Variants in TBX1 observed in about 807,000 individuals in gnomAD.
TBX1 encodes T-box transcription factor TBX1.
A neutral mutation model predicts 40.8 loss-of-function variants in TBX1; 16 were observed. The observed-to-expected ratio is 0.39, with a 90% CI of 0.27 to 0.60. The LOEUF is 0.60. Ranked by LOEUF, TBX1 falls within the 20% of genes least tolerant of loss-of-function variation. TBX1 has a pLI of 0.51. For synonymous variants in TBX1, 403 were observed against 336.8 expected (o/e 1.20, Z -2.15); for missense variants, 755 against 728.5 (o/e 1.04, Z -0.42).
In TBX1 at chr22:19,766,942, G is replaced by C; in HGVS notation, c.*75G>C. The C allele has an allele frequency of 3.2e-6, 5 of 1,544,842 alleles. No homozygotes were observed. The highest frequency in any genetic ancestry group is 1.2e-5 in the South Asian group (1 of 84,546). On this transcript the variant is annotated 3_prime_UTR_variant, in exon 7 of 7. Transcript: ENST00000649276. ...GCCGGGCCCGGCCACCCTGCCCCAAGGGCAAGCAAGGAATACGTTCCCCCA... is the reference window on the plus strand; with the variant it reads ...GCCGGGCCCGGCCACCCTGCCCCAACGGCAAGCAAGGAATACGTTCCCCCA...
chr22:19,761,748 C>T (rs931414859), intron 1 of TBX1, among the ~76,000 whole-genome samples: 7 of 152,248 alleles, frequency 4.6e-5, no homozygotes, highest in African/African-American at 7.2e-5. Flanking sequence ...GAGCGGCAGC[C>T]GGGCAACTCT....
At chr22:19,765,869 C>A in intron 5 of TBX1, 33 bp from the exon 6 acceptor site, 1 of 1,563,124 alleles carries the variant, frequency 6.4e-7, no homozygotes. Context: ...GCGCCTGGCG[C>A]AGGCGCCGCC....
chr22:19,763,340 C>T lies in TBX1; in HGVS notation c.537C>T (p.Tyr179=), dbSNP rs781496582. The T allele has an allele frequency of 1.9e-6, 3 of 1,614,106 alleles. No homozygotes were observed. Among genetic ancestry groups the T allele is most frequent in the East Asian group, 2.2e-5 (1 of 44,878 alleles). The change falls in exon 2 of 7, where the codon TAC becomes TAT. Residue 179 remains tyrosine, a splice_region_variant and synonymous_variant. Coordinates refer to ENST00000649276, the MANE Select transcript of TBX1 (RefSeq NM_001379200.1). ...TCGTGCCGGTGGACGATAAGCGCTA[C>T]CGGTGAGCGAGTGGTTGTAAGCGTG... is the stretch of plus-strand genomic sequence containing the variant. ...MDFVPVDDKR[Y]RYAFHSSSWL... is the part of the protein sequence containing the mutation.
rs1195095845 is a variant in TBX1 at position 19,779,187 on chromosome 22, C to T, written c.1010-33C>T. On this transcript the variant is annotated intron_variant, in intron 8 of 8. Coordinates refer to the TBX1 transcript ENST00000329705. Reference sequence around the variant, plus strand: ...GAGAGGCACCTCTGACATGGTACTTCATCCACTCTCATTGGATGGGGTTGT... The same window carrying T: ...GAGAGGCACCTCTGACATGGTACTTTATCCACTCTCATTGGATGGGGTTGT... 4.3e-6 allele frequency: 7 copies of T among 1,612,934 alleles called. No individual in the cohort carries two copies. In the African/African-American group the frequency reaches 5.3e-5, roughly 12 times the overall value.
chr22:19,766,096 G>A (rs1242549416), intron 6 of TBX1, 94 bp downstream of exon 6: 1 of 1,103,744 alleles, frequency 9.1e-7, no homozygotes, highest in Non-Finnish European at 1.2e-6. Context: ...CCCCCGGGGC[G>A]CTCCAGGCTT....
chr22:19,766,095 C>A, intron 6 of TBX1, 93 bp downstream of exon 6: 2 of 1,129,124 alleles, frequency 1.8e-6, no homozygotes, highest in Non-Finnish European at 2.3e-6. Context: ...GCCCCCGGGG[C>A]GCTCCAGGCT....
chr22:19,769,637 C>T (rs1206606639), downstream of TBX1, among the ~76,000 whole-genome samples: 3 of 152,252 alleles, frequency 2.0e-5, no homozygotes, highest in African/African-American at 7.2e-5. Flanking sequence ...CACTACCGTT[C>T]CTGTGGAGGT....
At chr22:19,768,421 A>G (rs911526270), downstream of TBX1, among the ~76,000 whole-genome samples, 1 of 152,154 alleles carries the variant, frequency 6.6e-6, no homozygotes, top group Non-Finnish European at 1.5e-5. Context: ...AGGCCAGTCT[A>G]GGGTGGGAGG....
At chr22:19,779,565 C>T, downstream of TBX1, 2 of 1,462,428 alleles carry the variant, frequency 1.4e-6, no homozygotes, top group African/African-American at 1.4e-5. Flanking sequence ...CATAGAGTCA[C>T]ACTCCCAGTT....
chr22:19,759,936 G>A (rs1454904280), upstream of TBX1, among the ~76,000 whole-genome samples: 1 of 152,244 alleles, frequency 6.6e-6, no homozygotes, highest in Non-Finnish European at 1.5e-5. Context: ...GGGAAGGAGA[G>A]CAGAGGTGGC....
rs1936725426 is a variant in TBX1, at chr22:19,763,259, C to T, written c.456C>T (p.Phe152=). ...TKAGRRMFPT[F]QVKLFGMDPM... is the part of the protein sequence containing the mutation. ...CCCCCAGGCGGATGTTTCCCACCTT[C>T]CAAGTGAAGCTCTTCGGCATGGATC... Residue 152 remains phenylalanine (F), a synonymous_variant, in exon 2 of 7, where the codon TTC becomes TTT. Coordinates refer to ENST00000649276, the MANE Select transcript of TBX1 (RefSeq NM_001379200.1). The T allele has an allele frequency of 6.2e-7, 1 of 1,614,064 alleles. No individual in the cohort carries two copies. The highest frequency in any genetic ancestry group is 1.7e-5 in the Admixed American group (1 of 60,008).
At chr22:19,779,406 G>A (rs747435029) in exon 9 of TBX1, 16 of 1,614,098 alleles carry the variant, frequency 9.9e-6, no homozygotes, top group South Asian at 3.3e-5. Context: ...CGTCTTTGTT[G>A]AATGCTGAGG....
intron 2 of TBX1, 21 bp from the exon 3 acceptor site, chr22:19,764,134 C>T: frequency 6.2e-7 from 1 of 1,612,422 alleles, no homozygotes; most frequent in Non-Finnish European, 8.5e-7. Flanking sequence ...ACATGCACGA[C>T]CCCACCCCGT....
chr22:19,766,801 G>A lies in TBX1; in HGVS notation c.1449G>A (p.Ala483=). ...AAAAAAAAAA[A]AANMYSSAGA... ...CCGCCGCCGCTGCCGCAGCTGCCGC[G>A]GCCGCCAACATGTACTCGTCGGCCG... Residue 483 remains alanine, a synonymous_variant, in exon 7 of 7, where the codon GCG becomes GCA. Transcript: ENST00000649276. 1 of 1,519,436 alleles carries A rather than the reference G, an allele frequency of 6.6e-7. No homozygotes were observed. Among genetic ancestry groups the A allele is most frequent in the Non-Finnish European group, 8.7e-7 (1 of 1,148,222 alleles). The allele number at this position is 1,519,436 out of a possible 1,614,324, so 94.1% of individuals were successfully genotyped here.
intron 1 of TBX1, 127 bp from the exon 2 acceptor site, chr22:19,763,114 G>T: frequency 1.3e-6 from 1 of 753,844 alleles, no homozygotes; most frequent in Non-Finnish European, 2.3e-6. Flanking sequence ...GAGCCCAAGG[G>T]CTGGGACGAC....
intron 6 of TBX1, 82 bp from the exon 7 acceptor site, chr22:19,766,307 T>C: frequency 8.2e-7 from 1 of 1,217,038 alleles, no homozygotes; most frequent in South Asian, 3.3e-5. Context: ...AAGAGCCTTC[T>C]CTCCGCCAGG....
upstream of TBX1, among the ~76,000 whole-genome samples, chr22:19,760,632 G>A (rs1391878949): frequency 2.0e-5 from 2 of 102,108 alleles, no homozygotes; most frequent in Non-Finnish European, 2.0e-5. Context: ...GGGCGGGGGA[G>A]GGGCGAGGGC....
Position 19,760,943 on chromosome 22 carries a change from G to C in TBX1, c.100G>C (p.Gly34Arg). 1 of 1,009,138 alleles carries C rather than the reference G, an allele frequency of 9.9e-7. No individual in the cohort carries two copies. Among genetic ancestry groups the C allele is most frequent in the Non-Finnish European group, 1.2e-6 (1 of 843,186 alleles). 62.5% of individuals were successfully genotyped at this position (1,009,138 alleles called of 1,614,324 possible). A position where few individuals can be genotyped will look rare whatever the true frequency, so the allele number is the denominator to read the frequency against. Reference protein sequence around the residue: ...ASSLSSLGAAGGFPGAASPGA... With the variant: ...ASSLSSLGAARGFPGAASPGA... ...CAGCCTGAGCAGCCTGGGGGCCGCG[G>C]GGGGCTTCCCGGGCGCCGCGTCGCC... The change falls in exon 1 of 7, where the codon GGG becomes CGG. Residue 34 changes from glycine (G) to arginine (R), a missense_variant. By Grantham distance (125) the Gly-to-Arg change is moderately radical. Transcript: ENST00000649276.
chr22:19,759,904 C>T (rs1403581722), upstream of TBX1, among the ~76,000 whole-genome samples: 3 of 152,170 alleles, frequency 2.0e-5, no homozygotes, highest in Non-Finnish European at 4.4e-5. Flanking sequence ...ATACACAGGC[C>T]CGGAAGAGGG....
Sources: allele counts gnomAD v4.1 joint callset (sites outside exome capture counted in the v4.1 genomes callset), GRCh38; gene constraint gnomAD v4.1.1; transcripts MANE v1.5; gene names NCBI Gene and HGNC (gene_info 2026-07-23, HGNC 2026-07-21).